Variants in SPATS2 observed in about 807,000 individuals in gnomAD.
SPATS2 encodes spermatogenesis associated serine rich 2.
In SPATS2, 38 loss-of-function variants were observed where a neutral mutation model predicts 63.7. The observed-to-expected ratio is 0.60, with a 90% CI of 0.46 to 0.78. The LOEUF (loss-of-function observed/expected upper bound fraction) is 0.78, where lower values mean the gene tolerates loss of function less well. Ranked by LOEUF, SPATS2 falls within the 30% of genes least tolerant of loss-of-function variation. SPATS2 has a pLI of 0.00. For synonymous variants in SPATS2, 207 were observed against 232.9 expected (o/e 0.89, Z 1.01); for missense variants, 588 against 666.2 (o/e 0.88, Z 1.29).
At chr12:49,509,248 G>A (rs561334822) in intron 9 of SPATS2, among the ~76,000 whole-genome samples, 63 of 149,076 alleles carry the variant, frequency 4.2e-4, no homozygotes, top group Non-Finnish European at 7.7e-4. Context: ...CATGAGAACC[G>A]TGGCTTATGT....
At chr12:49,472,050 A>C (rs1946042451) in intron 3 of SPATS2, among the ~76,000 whole-genome samples, 1 of 152,036 alleles carries the variant, frequency 6.6e-6, no homozygotes, top group Admixed American at 6.6e-5. Flanking sequence ...AGGTGGGAGG[A>C]TCACATAAGC....
chr12:49,495,584 A>G (rs952802717), intron 7 of SPATS2, among the ~76,000 whole-genome samples: 2 of 152,190 alleles, frequency 1.3e-5, no homozygotes, highest in Non-Finnish European at 2.9e-5. Flanking sequence ...CTAGTGTTCC[A>G]TTATTGGAAC....
intron 2 of SPATS2, chr12:49,389,371 G>A (rs1023910754): frequency 1.9e-6 from 1 of 534,034 alleles, no homozygotes; most frequent in Non-Finnish European, 3.4e-6. Flanking sequence ...CCTCCGTCTG[G>A]TTCAGCGTCT....
At chr12:49,434,970 A>G (rs1285606533) in intron 2 of SPATS2, among the ~76,000 whole-genome samples, 2 of 151,516 alleles carry the variant, frequency 1.3e-5, no homozygotes, top group Non-Finnish European at 2.9e-5. Context: ...AATTAATATA[A>G]TATAGTATTA....
At chr12:49,409,591 AATTT>A (rs1296809098) in intron 2 of SPATS2, among the ~76,000 whole-genome samples, 2,131 of 123,278 alleles carry the variant, frequency 0.017, 105 homozygotes, top group African/African-American at 0.062. Context: ...TGTGCCCAGC[AATTT>A]TTTTTTTTTT....
intron 3 of SPATS2, among the ~76,000 whole-genome samples, chr12:49,464,722 G>A (rs1264997282): frequency 6.6e-6 from 1 of 151,608 alleles, no homozygotes. Context: ...CCAGCTATTT[G>A]GGAGGCTGAG....
At chr12:49,406,637 G>A (rs894259407) in intron 2 of SPATS2, 5 of 152,016 alleles carry the variant, frequency 3.3e-5, no homozygotes, top group Non-Finnish European at 7.4e-5. Flanking sequence ...TCCTTTGTCA[G>A]CGGTCAGTGA....
intron 11 of SPATS2, among the ~76,000 whole-genome samples, chr12:49,521,602 T>C (rs1946942359): frequency 1.3e-5 from 2 of 152,176 alleles, no homozygotes; most frequent in South Asian, 2.1e-4. Flanking sequence ...GCTAGAAATA[T>C]TTCTGCAGGC....
At chr12:49,462,374 C>T (rs779727442) in intron 3 of SPATS2, 32 of 702,270 alleles carry the variant, frequency 4.6e-5, no homozygotes, top group South Asian at 2.2e-4. Context: ...GTGTGGGCCC[C>T]GTGGCAGCAT....
At chr12:49,394,888 A>G (rs932995994) in intron 2 of SPATS2, among the ~76,000 whole-genome samples, 1 of 151,420 alleles carries the variant, frequency 6.6e-6, no homozygotes, top group Non-Finnish European at 1.5e-5. Flanking sequence ...CCTGGCCAAC[A>G]TAACCCTGTC....
chr12:49,492,353 C>T (rs777639924), intron 6 of SPATS2, among the ~76,000 whole-genome samples: 2 of 148,244 alleles, frequency 1.3e-5, no homozygotes, highest in Non-Finnish European at 2.9e-5. Flanking sequence ...CTACGTAGGG[C>T]GGGACTACAG....
chr12:49,399,849 A>C (rs967274629), intron 2 of SPATS2, among the ~76,000 whole-genome samples: 3 of 152,148 alleles, frequency 2.0e-5, no homozygotes, highest in African/African-American at 7.2e-5. Context: ...CATCCTGGCT[A>C]ATGTGTTGAA....
At chr12:49,460,615 A>C (rs1945805627) in intron 2 of SPATS2, among the ~76,000 whole-genome samples, 155 bp from the exon 3 acceptor site, 2 of 152,244 alleles carry the variant, frequency 1.3e-5, no homozygotes. Flanking sequence ...TTTCTTAAGA[A>C]AAATTCTGCT....
At chr12:49,368,488 C>G (rs1943942250) in intron 1 of SPATS2, among the ~76,000 whole-genome samples, 1 of 152,078 alleles carries the variant, frequency 6.6e-6, no homozygotes, top group Non-Finnish European at 1.5e-5. Flanking sequence ...TTCAGTTTGA[C>G]CAAAAGGTGA....
At chr12:49,420,212 A>C (rs1281459515) in intron 2 of SPATS2, among the ~76,000 whole-genome samples, 2 of 152,218 alleles carry the variant, frequency 1.3e-5, no homozygotes, top group African/African-American at 2.4e-5. Context: ...TTTGCATTAA[A>C]ATTTTTTTAT....
At chr12:49,379,772 G>A (rs1592341315) in intron 2 of SPATS2, among the ~76,000 whole-genome samples, 1 of 151,268 alleles carries the variant, frequency 6.6e-6, no homozygotes, top group Non-Finnish European at 1.5e-5. Flanking sequence ...ACAGGCACAC[G>A]CCACCACACC....
chr12:49,459,748 C>G (rs1442967883), intron 2 of SPATS2, among the ~76,000 whole-genome samples: 1 of 125,694 alleles, frequency 8.0e-6, no homozygotes, highest in Non-Finnish European at 1.7e-5. Context: ...CGTCCCCCCC[C>G]CCCCCCATAT....
chr12:49,462,564 C>T, intron 3 of SPATS2: 1 of 645,004 alleles, frequency 1.6e-6, no homozygotes. Flanking sequence ...CCTTTTGTAT[C>T]TGCACTCGTG....
chr12:49,375,216 T>TTTGCTAAAGGG (rs1944079345), intron 2 of SPATS2, among the ~76,000 whole-genome samples: 1 of 146,946 alleles, frequency 6.8e-6, no homozygotes. Flanking sequence ...GTCTTTAGAA[T>TTTGCTAAAGGG]TTGCTAAAGG....
Sources: gnomAD v4.1 joint callset for allele counts (sites outside exome capture counted in the v4.1 genomes callset) on GRCh38, gnomAD v4.1.1 for gene constraint, MANE v1.5 for transcripts, NCBI Gene and HGNC (gene_info 2026-07-23, HGNC 2026-07-21) for gene names.